USP6NL: variants seen among roughly 807,000 people sequenced by gnomAD.
USP6NL encodes USP6 N-terminal-like protein.
In USP6NL, 26 loss-of-function variants were observed where a neutral mutation model predicts 61.9. The observed-to-expected ratio is 0.42, with a 90% CI of 0.31 to 0.58. USP6NL has a LOEUF of 0.58. USP6NL is among the 20% of genes least tolerant of loss of function. USP6NL has a pLI of 0.16. For synonymous variants in USP6NL, 432 were observed against 390.1 expected (o/e 1.11, Z -1.27); for missense variants, 1,114 against 1,034.3 (o/e 1.08, Z -1.06).
chr10:11,578,040 A>G (rs1189238409), intron 2 of USP6NL, among the ~76,000 whole-genome samples: 1 of 151,978 alleles, frequency 6.6e-6, no homozygotes, highest in African/African-American at 2.4e-5. Flanking sequence ...CCTCACTGCA[A>G]CCTCTGCCTC....
Position 11,465,942 on chromosome 10 carries a change from T to C in USP6NL, c.1079-2093A>G, listed in dbSNP as rs2133152464. 6.6e-6 allele frequency among the ~76,000 whole-genome samples: 1 copy of C among 152,318 alleles called. No individual in the cohort carries two copies. Among genetic ancestry groups the C allele is most frequent in the East Asian group, 1.9e-4 (1 of 5,190 alleles). On this transcript the variant is annotated intron_variant, in intron 14 of 14. Coordinates refer to ENST00000609104, the MANE Select transcript of USP6NL (RefSeq NM_014688.5). The surrounding 1 kb of genome is among the most constrained non-coding windows in gnomAD (Gnocchi z 4.5). ...CCTAGCACATTTTCAGTGTCAACAA[T>C]GTAATGAAACAAACTACAGTGATTA... is the stretch of plus-strand genomic sequence containing the variant.
intron 2 of USP6NL, among the ~76,000 whole-genome samples, chr10:11,529,536 T>C (rs918249566): frequency 1.3e-4 from 20 of 152,216 alleles, no homozygotes; most frequent in African/African-American, 4.8e-4. Flanking sequence ...AATGTTTGTG[T>C]TACTGCTTTT....
intron 2 of USP6NL, among the ~76,000 whole-genome samples, chr10:11,568,235 T>C (rs1837237631): frequency 6.6e-6 from 1 of 152,126 alleles, no homozygotes; most frequent in African/African-American, 2.4e-5. Flanking sequence ...ATTGACACTG[T>C]AATTCAAGAG....
chr10:11,570,429 C>A (rs552867734), intron 2 of USP6NL, among the ~76,000 whole-genome samples: 1 of 152,184 alleles, frequency 6.6e-6, no homozygotes, highest in Admixed American at 6.5e-5. Flanking sequence ...GGACAGATAC[C>A]AAAGCTCCTA....
rs1347464489 is a variant in USP6NL at position 11,510,076 on chromosome 10, G to GT, written c.196-402dup. ...TAGTATATTGTTGTTTTTAGCGAGAGTTTTTTAAAGGAAAAGTGGCTGTTT... is the reference window on the plus strand; with the variant it reads ...TAGTATATTGTTGTTTTTAGCGAGAGTTTTTTTAAAGGAAAAGTGGCTGTTT... On this transcript the variant is annotated intron_variant, in intron 5 of 14. Transcript: ENST00000609104. The surrounding 1 kb of genome is among the most constrained non-coding windows in gnomAD (Gnocchi z 4.8). Among the ~76,000 whole-genome samples, 1 of 152,160 alleles carries GT rather than the reference G, an allele frequency of 6.6e-6. No individual in the cohort carries two copies. The highest frequency in any genetic ancestry group is 2.4e-5 in the African/African-American group (1 of 41,432).
At chr10:11,542,452 C>T (rs983412944) in intron 2 of USP6NL, among the ~76,000 whole-genome samples, 1 of 152,182 alleles carries the variant, frequency 6.6e-6, no homozygotes, top group Non-Finnish European at 1.5e-5. Flanking sequence ...GGCACAGTGG[C>T]TCATGCCTGT....
rs1262314484 is a variant in USP6NL, at chr10:11,495,030, G to A, written c.385-1802C>T. The stretch of plus-strand genomic sequence containing the variant: ...CTCCCTTTCCCTCTGCTAAGTAGCC[G>A]GTGTTTTCCCTTGACACTTACGCTA... On this transcript the variant is annotated intron_variant, in intron 7 of 14. Coordinates refer to ENST00000609104, the MANE Select transcript of USP6NL (RefSeq NM_014688.5). This position sits in a 1 kb window ranked among gnomAD's most constrained non-coding sequence, Gnocchi z 4.6. Among the ~76,000 whole-genome samples the A allele has an allele frequency of 3.3e-5, 5 of 152,168 alleles. No individual in the cohort carries two copies. The highest frequency in any genetic ancestry group is 1.9e-4 in the East Asian group (1 of 5,188).
chr10:11,512,883 C>G (rs1026961786), intron 5 of USP6NL, among the ~76,000 whole-genome samples: 9 of 152,206 alleles, frequency 5.9e-5, no homozygotes, highest in African/African-American at 2.2e-4. Context: ...GGGTTCAAAT[C>G]TGAGTTCTGT....
intron 2 of USP6NL, among the ~76,000 whole-genome samples, chr10:11,556,120 T>C (rs1395007628): frequency 6.6e-6 from 1 of 152,192 alleles, no homozygotes; most frequent in Non-Finnish European, 1.5e-5. Flanking sequence ...ACTATCTATA[T>C]ACAATTAAAA....
intron 1 of USP6NL, among the ~76,000 whole-genome samples, chr10:11,602,000 AAAG>A (rs1352418676): frequency 3.3e-5 from 5 of 152,218 alleles, no homozygotes; most frequent in African/African-American, 9.6e-5. Flanking sequence ...AAAGAAAAAA[AAAG>A]AAGAAAATGT....
intron 7 of USP6NL, among the ~76,000 whole-genome samples, chr10:11,500,220 A>G (rs1834119098): frequency 6.6e-6 from 1 of 152,208 alleles, no homozygotes; most frequent in South Asian, 2.1e-4. Context: ...AATGAGTGCT[A>G]AGGCTTAATA....
In USP6NL at chr10:11,528,012, T is replaced by C. The variant is rs1241945320; in HGVS notation, c.5-445A>G. On this transcript the variant is annotated intron_variant, in intron 2 of 14. Transcript: ENST00000609104. The surrounding 1 kb of genome is among the most constrained non-coding windows in gnomAD (Gnocchi z 4.6). ...ATATTTATTTTACATGATACAAATA[T>C]GTCTTTGTTTAGCCTTTTAGTTCCC... Among the ~76,000 whole-genome samples the C allele has an allele frequency of 6.6e-6, 1 of 152,126 alleles. No homozygotes were observed. The highest frequency in any genetic ancestry group is 1.5e-5 in the Non-Finnish European group (1 of 68,012).
chr10:11,477,152 G>A (rs992429717), intron 14 of USP6NL, among the ~76,000 whole-genome samples: 8 of 152,272 alleles, frequency 5.3e-5, no homozygotes, highest in East Asian at 1.9e-4. Context: ...GATTACAGGC[G>A]TGAGCCACTG....
In USP6NL at chr10:11,537,182, T is replaced by A. The variant is rs951998935; in HGVS notation, c.5-9615A>T. 6.6e-6 allele frequency among the ~76,000 whole-genome samples: 1 copy of A among 151,820 alleles called. No individual in the cohort carries two copies. The highest frequency in any genetic ancestry group is 1.5e-5 in the Non-Finnish European group (1 of 67,910). ...CTGGAGTGCAGTGGCACGATCACAGTTCACTGCAGCGTCAATCTCCCAGGT... is the reference window on the plus strand; with the variant it reads ...CTGGAGTGCAGTGGCACGATCACAGATCACTGCAGCGTCAATCTCCCAGGT... On this transcript the variant is annotated intron_variant, in intron 2 of 14. Coordinates refer to ENST00000609104, the MANE Select transcript of USP6NL (RefSeq NM_014688.5). The surrounding 1 kb of genome is among the most constrained non-coding windows in gnomAD (Gnocchi z 5.1).
rs1053884809 is a variant in USP6NL at position 11,489,916 on chromosome 10, C to T, written c.544-694G>A. Among the ~76,000 whole-genome samples, 13 of 152,120 alleles carry T rather than the reference C, an allele frequency of 8.5e-5. No homozygotes were observed. The highest frequency in any genetic ancestry group is 2.2e-4 in the African/African-American group (9 of 41,394). On this transcript the variant is annotated intron_variant, in intron 9 of 14. Coordinates refer to ENST00000609104, the MANE Select transcript of USP6NL (RefSeq NM_014688.5). This position sits in a 1 kb window ranked among gnomAD's most constrained non-coding sequence, Gnocchi z 5.7. The stretch of plus-strand genomic sequence containing the variant: ...ATGAATCTGTGGGTGCAATCTGAGC[C>T]GCAGTATAACTGGCCAGTAGGCAAA...
intron 14 of USP6NL, among the ~76,000 whole-genome samples, chr10:11,472,149 G>C (rs964936806): frequency 2.6e-5 from 4 of 152,022 alleles, no homozygotes; most frequent in Admixed American, 2.6e-4. Flanking sequence ...TCAACAAAAA[G>C]GAATGTAACT....
rs183521183 is a variant in USP6NL at position 11,586,439 on chromosome 10, C to T, written c.4+11192G>A. Among the ~76,000 whole-genome samples the T allele has an allele frequency of 1.3e-4, 19 of 149,890 alleles. No individual in the cohort carries two copies. The South Asian group carries it at 3.0e-3, about 23-fold the overall frequency. ...AATGGTTAAGTAAGTTATGATGAGT[C>T]ATTACCTTTAAGGAACACAATTGTG... is the stretch of plus-strand genomic sequence containing the variant. On this transcript the variant is annotated intron_variant, in intron 2 of 14. Transcript: ENST00000609104.
At chr10:11,494,208 A>G (rs1833817440) in intron 7 of USP6NL, among the ~76,000 whole-genome samples, 1 of 152,168 alleles carries the variant, frequency 6.6e-6, no homozygotes, top group Non-Finnish European at 1.5e-5. Flanking sequence ...CAGTGTTGCT[A>G]TTCTGTTTCT....
chr10:11,588,349 A>T (rs146877051), intron 2 of USP6NL, among the ~76,000 whole-genome samples: 11 of 152,344 alleles, frequency 7.2e-5, no homozygotes, highest in African/African-American at 2.6e-4. Flanking sequence ...TAATCTATCT[A>T]TGTGATTATT....
Sources: allele counts gnomAD v4.1 joint callset (sites outside exome capture counted in the v4.1 genomes callset), GRCh38; gene constraint gnomAD v4.1.1; non-coding constraint Gnocchi (gnomAD v3.1); transcripts MANE v1.5; gene names NCBI Gene and HGNC (gene_info 2026-07-23, HGNC 2026-07-21).